The following PEBP4 variants were observed in gnomAD, a reference collection of about 807,000 sequenced individuals.
The protein encoded by PEBP4 is phosphatidylethanolamine-binding protein 4.
Under a neutral mutation model 23.9 loss-of-function variants are expected in PEBP4, and 22 were observed. That is an observed-to-expected ratio of 0.92 (90% CI 0.66 to 1.31). The LOEUF is 1.31. Among genes scored for constraint, PEBP4 ranks in the 40% most tolerant of loss-of-function variants. The pLI is 0.00. For missense variants in PEBP4, 324 were observed against 281.7 expected, an observed-to-expected ratio of 1.15 and a Z score of -1.07; for synonymous variants, 112 against 99.3, an observed-to-expected ratio of 1.13 and a Z score of -0.76.
chr8:22,785,516 G>A (rs1806010301), intron 4 of PEBP4, among the ~76,000 whole-genome samples: 1 of 152,174 alleles, frequency 6.6e-6, no homozygotes, highest in South Asian at 2.1e-4. Context: ...TCTGGCTTGG[G>A]ACAGATCCGC....
intron 3 of PEBP4, among the ~76,000 whole-genome samples, chr8:22,903,708 G>T (rs559017396): frequency 6.6e-6 from 1 of 152,184 alleles, no homozygotes; most frequent in Non-Finnish European, 1.5e-5. Context: ...AAATCAACCC[G>T]TTCTCTACAC....
chr8:22,856,519 C>T (rs996656941), intron 3 of PEBP4, among the ~76,000 whole-genome samples: 5 of 152,162 alleles, frequency 3.3e-5, no homozygotes, highest in African/African-American at 9.7e-5. Context: ...GAGCTCGAGA[C>T]GGGCCAGGCC....
intron 4 of PEBP4, among the ~76,000 whole-genome samples, chr8:22,774,914 C>T (rs1434756225): frequency 6.6e-6 from 1 of 152,164 alleles, no homozygotes; most frequent in African/African-American, 2.4e-5. Flanking sequence ...GTCCCCTGTC[C>T]TCCCGTGCCC....
intron 4 of PEBP4, among the ~76,000 whole-genome samples, chr8:22,817,382 A>C (rs1806766129): frequency 6.6e-6 from 1 of 152,232 alleles, no homozygotes; most frequent in African/African-American, 2.4e-5. Context: ...TTATACCATA[A>C]AAATCAGCAA....
At chr8:22,916,929 G>A (rs994272240) in intron 3 of PEBP4, among the ~76,000 whole-genome samples, 1 of 152,236 alleles carries the variant, frequency 6.6e-6, no homozygotes, top group Non-Finnish European at 1.5e-5. Context: ...ATCAGCCAGG[G>A]ATGTAGGTGG....
intron 3 of PEBP4, among the ~76,000 whole-genome samples, chr8:22,912,540 G>C (rs577176140): frequency 6.6e-6 from 1 of 152,194 alleles, no homozygotes; most frequent in Admixed American, 6.5e-5. Context: ...TCCGGGGCTG[G>C]TTCTCCCACT....
chr8:22,745,106 G>T (rs1242146893), intron 4 of PEBP4, among the ~76,000 whole-genome samples: 3 of 152,156 alleles, frequency 2.0e-5, no homozygotes, highest in African/African-American at 7.2e-5. Flanking sequence ...TTTTCCCTTT[G>T]CTGGAATTTC....
intron 4 of PEBP4, among the ~76,000 whole-genome samples, chr8:22,761,195 C>T (rs1300702284): frequency 6.6e-6 from 1 of 152,168 alleles, no homozygotes; most frequent in Non-Finnish European, 1.5e-5. Context: ...ACAGCCATCA[C>T]ATCTTGCAGG....
At chr8:22,717,712 C>T (rs1429531768) in intron 6 of PEBP4, among the ~76,000 whole-genome samples, 3 of 152,218 alleles carry the variant, frequency 2.0e-5, no homozygotes, top group Non-Finnish European at 4.4e-5. Flanking sequence ...TGATCTGTAT[C>T]TACCCAAGGT....
At chr8:22,862,921 C>T (rs1807810761) in intron 3 of PEBP4, among the ~76,000 whole-genome samples, 7 of 151,790 alleles carry the variant, frequency 4.6e-5, no homozygotes, top group Admixed American at 4.6e-4. Context: ...CTGCCTCAGC[C>T]TCCTGAGTAG....
intron 4 of PEBP4, among the ~76,000 whole-genome samples, chr8:22,799,331 A>G (rs1806334431): frequency 6.6e-6 from 1 of 151,186 alleles, no homozygotes; most frequent in Non-Finnish European, 1.5e-5. Flanking sequence ...CAGTTCATGA[A>G]CTCTCCCCAT....
intron 3 of PEBP4, among the ~76,000 whole-genome samples, chr8:22,892,968 T>C (rs1563251891): frequency 6.6e-6 from 1 of 152,166 alleles, no homozygotes; most frequent in African/African-American, 2.4e-5. Flanking sequence ...GTGGTCATGA[T>C]TCACAAGGCA....
At chr8:22,784,189 C>G (rs1265477700) in intron 4 of PEBP4, among the ~76,000 whole-genome samples, 64 of 152,240 alleles carry the variant, frequency 4.2e-4, no homozygotes. Flanking sequence ...TCCCTGTCAC[C>G]AGCACCCCTG....
intron 3 of PEBP4, among the ~76,000 whole-genome samples, chr8:22,839,058 G>A (rs79998536): frequency 6.6e-6 from 1 of 152,196 alleles, no homozygotes; most frequent in African/African-American, 2.4e-5. Context: ...GAAAAAAAAA[G>A]TGTTAAAAAA....
intron 4 of PEBP4, among the ~76,000 whole-genome samples, chr8:22,807,477 AC>A (rs1806522256): frequency 6.6e-6 from 1 of 152,192 alleles, no homozygotes; most frequent in African/African-American, 2.4e-5. Flanking sequence ...GGAAAGATTC[AC>A]ATTTTTGTAG....
At chr8:22,813,896 G>T (rs551427116) in intron 4 of PEBP4, among the ~76,000 whole-genome samples, 1 of 152,286 alleles carries the variant, frequency 6.6e-6, no homozygotes, top group African/African-American at 2.4e-5. Flanking sequence ...GCCAGCCTCT[G>T]GGGGTCTCGT....
rs905281638 is a variant in PEBP4 at position 22,784,956 on chromosome 8, C to A, written c.357+32681G>T. On this transcript the variant is annotated intron_variant, in intron 4 of 6. Transcript: ENST00000256404. ...ATCTGGGCGTCACCTTTTGCGGGTG[C>A]TGGGGACACTGCTTGCGTGAAGGAA... 1.5e-4 allele frequency among the ~76,000 whole-genome samples: 23 copies of A among 152,306 alleles called. 1 individual carries two copies. Among genetic ancestry groups the A allele is most frequent in the South Asian group, 2.1e-4 (1 of 4,830 alleles).
chr8:22,840,242 C>A (rs80226031), intron 3 of PEBP4, among the ~76,000 whole-genome samples: 1 of 152,238 alleles, frequency 6.6e-6, no homozygotes, highest in East Asian at 1.9e-4. Context: ...AACTGAGCAT[C>A]GTGGCCTAGA....
chr8:22,810,332 T>C (rs1339750607), intron 4 of PEBP4, among the ~76,000 whole-genome samples: 2 of 152,170 alleles, frequency 1.3e-5, no homozygotes, highest in East Asian at 3.8e-4. Flanking sequence ...TATTCCAGTG[T>C]GGCATAAACA....
Sources: gnomAD v4.1 joint callset for allele counts (sites outside exome capture counted in the v4.1 genomes callset) on GRCh38, gnomAD v4.1.1 for gene constraint, MANE v1.5 for transcripts, NCBI Gene and HGNC (gene_info 2026-07-23, HGNC 2026-07-21) for gene names.